The following SCN3A variants were observed in gnomAD, a reference collection of about 807,000 sequenced individuals.
The protein encoded by SCN3A is sodium voltage-gated channel alpha subunit 3, also known as sodium channel protein type 3 subunit alpha.
A neutral mutation model predicts 187.6 loss-of-function variants in SCN3A; 60 were observed. That is an observed-to-expected ratio of 0.32 (90% CI 0.26 to 0.40). SCN3A has a LOEUF of 0.40. SCN3A is among the 10% of genes least tolerant of loss of function. The pLI, the probability that SCN3A is intolerant of heterozygous loss-of-function variation, is 1.00. For synonymous variants in SCN3A, 788 were observed against 829.2 expected, an observed-to-expected ratio of 0.95 and a Z score of 0.85; for missense variants, 1,601 against 2,428.2, an observed-to-expected ratio of 0.66 and a Z score of 7.16.
chr2:165,107,888 G>A (rs905049499), intron 21 of SCN3A, among the ~76,000 whole-genome samples: 2 of 152,146 alleles, frequency 1.3e-5, no homozygotes, highest in Non-Finnish European at 2.9e-5. Flanking sequence ...TTATAATGAG[G>A]TTTGTAATGT....
chr2:165,128,670 G>A (rs912738961), intron 17 of SCN3A, among the ~76,000 whole-genome samples: 6 of 152,150 alleles, frequency 3.9e-5, no homozygotes, highest in East Asian at 1.9e-4. Context: ...GATTTAACAC[G>A]TTTCCCATCA....
chr2:165,185,756 C>T (rs944934201), intron 2 of SCN3A, among the ~76,000 whole-genome samples: 1 of 152,048 alleles, frequency 6.6e-6, no homozygotes, highest in African/African-American at 2.4e-5. Flanking sequence ...AGATGATACA[C>T]CAAATAAATA....
At chr2:165,109,684 C>T (rs1686025297) in intron 21 of SCN3A, among the ~76,000 whole-genome samples, 1 of 152,122 alleles carries the variant, frequency 6.6e-6, no homozygotes, top group African/African-American at 2.4e-5. Flanking sequence ...TACTCTTTGC[C>T]TCCCCCTCTC....
chr2:165,155,694 C>T (rs1688979865), intron 10 of SCN3A, 68 bp downstream of exon 10: 13 of 1,578,836 alleles, frequency 8.2e-6, no homozygotes, highest in African/African-American at 2.7e-5. Flanking sequence ...CCACCACACC[C>T]AGCCTATGCT....
chr2:165,203,156 A>G (rs1266935297), intron 1 of SCN3A, among the ~76,000 whole-genome samples: 5 of 151,972 alleles, frequency 3.3e-5, no homozygotes. Context: ...TAATCTTTAA[A>G]TCAATAAATT....
intron 27 of SCN3A, chr2:165,091,728 G>A (rs894922202): frequency 3.2e-5 from 9 of 277,350 alleles, no homozygotes; most frequent in African/African-American, 1.6e-4. Flanking sequence ...GAGAGAAATG[G>A]GCCATATTTG....
chr2:165,125,602 C>T (rs1686947658), intron 18 of SCN3A, among the ~76,000 whole-genome samples: 1 of 152,190 alleles, frequency 6.6e-6, no homozygotes. Flanking sequence ...CAGACGTGAG[C>T]TACCGCACCC....
intron 21 of SCN3A, among the ~76,000 whole-genome samples, chr2:165,109,979 T>G (rs898595851): frequency 3.3e-5 from 5 of 152,054 alleles, no homozygotes; most frequent in African/African-American, 7.2e-5. Context: ...CGCTTCTGCT[T>G]CTTCTCCTCT....
At chr2:165,186,225 A>T (rs1445712347) in intron 2 of SCN3A, among the ~76,000 whole-genome samples, 1 of 152,040 alleles carries the variant, frequency 6.6e-6, no homozygotes, top group African/African-American at 2.4e-5. Context: ...AGCGAAGTTC[A>T]TGCCACTGCA....
intron 12 of SCN3A, among the ~76,000 whole-genome samples, chr2:165,141,756 G>A (rs569264325): frequency 2.6e-5 from 4 of 152,136 alleles, no homozygotes; most frequent in Non-Finnish European, 2.9e-5. Flanking sequence ...TACTCTTCTT[G>A]TGTAAAATAT....
rs1559264055 is a variant in SCN3A at position 165,176,265 on chromosome 2, C to A, written c.130G>T (p.Asp44Tyr). 1.2e-6 allele frequency: 2 copies of A among 1,613,994 alleles called. No homozygotes were observed. Among genetic ancestry groups the A allele is most frequent in the Non-Finnish European group, 1.7e-6 (2 of 1,179,976 alleles). The change falls in exon 3 of 28, where the codon GAT (aspartate) becomes TAT (tyrosine). Residue 44 changes from aspartate to tyrosine, a missense_variant. Transcript: ENST00000283254. Reference protein sequence around the residue: ...AKKPKKEQDNDDENKPKPNSD... With the variant: ...AKKPKKEQDNYDENKPKPNSD... Reference sequence around the variant, plus strand: ...TTTGGCTTTGGTTTGTTCTCATCATCATTATCTTGTTCCTTTTTGGGCTTC... The same window carrying A: ...TTTGGCTTTGGTTTGTTCTCATCATAATTATCTTGTTCCTTTTTGGGCTTC...
At chr2:165,157,165 C>T (rs1477108337) in intron 9 of SCN3A, among the ~76,000 whole-genome samples, 1 of 152,174 alleles carries the variant, frequency 6.6e-6, no homozygotes, top group Admixed American at 6.5e-5. Flanking sequence ...CTGCCTCGGC[C>T]TCCCAAAGTG....
chr2:165,099,484 C>G (rs1031784015), intron 22 of SCN3A, among the ~76,000 whole-genome samples: 2 of 152,142 alleles, frequency 1.3e-5, no homozygotes, highest in Non-Finnish European at 2.9e-5. Context: ...TTTGGGAGGC[C>G]GAGGCGGGCG....
chr2:165,142,162 A>G (rs1186571848), intron 12 of SCN3A, among the ~76,000 whole-genome samples: 2 of 152,168 alleles, frequency 1.3e-5, no homozygotes, highest in East Asian at 1.9e-4. Context: ...GGTAATATAC[A>G]TACATACATA....
intron 11 of SCN3A, 84 bp from the exon 12 acceptor site, chr2:165,147,113 C>T: frequency 6.7e-7 from 1 of 1,483,846 alleles, no homozygotes; most frequent in Non-Finnish European, 9.3e-7. Context: ...CCATTTAAGA[C>T]TCATTAACTA....
intron 18 of SCN3A, among the ~76,000 whole-genome samples, chr2:165,121,617 T>C (rs1182741716): frequency 2.0e-5 from 3 of 152,204 alleles, no homozygotes; most frequent in African/African-American, 7.2e-5. Context: ...CAGTTATCCC[T>C]AAGGAAAATA....
intron 18 of SCN3A, among the ~76,000 whole-genome samples, chr2:165,122,566 A>G (rs1231263493): frequency 6.6e-6 from 1 of 152,180 alleles, no homozygotes; most frequent in Non-Finnish European, 1.5e-5. Flanking sequence ...TACAAATCCT[A>G]TAGAGCATGC....
At chr2:165,142,402 T>G (rs924236942) in intron 12 of SCN3A, among the ~76,000 whole-genome samples, 1 of 152,214 alleles carries the variant, frequency 6.6e-6, no homozygotes, top group Non-Finnish European at 1.5e-5. Flanking sequence ...TAATCTTTGT[T>G]GTCCTCTGTC....
At chr2:165,144,903 T>C (rs1688228443) in intron 12 of SCN3A, among the ~76,000 whole-genome samples, 1 of 152,176 alleles carries the variant, frequency 6.6e-6, no homozygotes. Context: ...AATGAACTGA[T>C]CTACAAAATT....
Sources: gnomAD v4.1 joint callset for allele counts (sites outside exome capture counted in the v4.1 genomes callset) on GRCh38, gnomAD v4.1.1 for gene constraint, MANE v1.5 for transcripts, NCBI Gene and HGNC (gene_info 2026-07-23, HGNC 2026-07-21) for gene names.